Variants in RIN2 observed in about 807,000 individuals in gnomAD.
RIN2 encodes the protein RAB5 interacting protein 2.
Under a neutral mutation model 78.0 loss-of-function variants are expected in RIN2, and 36 were observed. The observed-to-expected ratio is 0.46, with a 90% CI of 0.35 to 0.61. RIN2 has a LOEUF of 0.61. Ranked by LOEUF, RIN2 falls within the 20% of genes least tolerant of loss-of-function variation. The probability of loss-of-function intolerance (pLI) is 0.00; values close to 1 mark genes in which losing one functional copy is unlikely to be tolerated. For synonymous variants in RIN2, 466 were observed against 466.8 expected (o/e 1.00, Z 0.02); for missense variants, 1,087 against 1,159.7 (o/e 0.94, Z 0.91).
chr20:19,825,399 G>A (rs1341232459), intron 2 of RIN2, among the ~76,000 whole-genome samples: 1 of 152,186 alleles, frequency 6.6e-6, no homozygotes, highest in Non-Finnish European at 1.5e-5. Context: ...GTCTTTCTTA[G>A]CTTGAGCCAG....
chr20:19,859,665 C>T (rs146001168), intron 2 of RIN2, among the ~76,000 whole-genome samples: 14 of 152,342 alleles, frequency 9.2e-5, no homozygotes, highest in South Asian at 2.1e-4. Flanking sequence ...TGACTATCTC[C>T]GCACATAACT....
intron 3 of RIN2, among the ~76,000 whole-genome samples, chr20:19,927,695 G>T (rs1284622805): frequency 1.3e-5 from 2 of 151,906 alleles, no homozygotes; most frequent in African/African-American, 4.8e-5. Context: ...GATTACAAGC[G>T]TGAGCCACCA....
In RIN2 at chr20:19,844,683, TTCCTCTTCC is replaced by T. The variant is rs1568807758; in HGVS notation, c.-36-44880_-36-44872del. Among the ~76,000 whole-genome samples, 97 of 22,106 alleles carry T rather than the reference TTCCTCTTCC, an allele frequency of 4.4e-3. 3 individuals carry two copies. Among genetic ancestry groups the T allele is most frequent in the East Asian group, 0.028 (9 of 316 alleles). The allele number at this position is 22,106 out of a possible 152,430, so 14.5% of individuals were successfully genotyped here. On this transcript the variant is annotated intron_variant, in intron 2 of 12. Coordinates refer to ENST00000255006, the MANE Select transcript of RIN2 (RefSeq NM_018993.4). ...TTCTTCTTCTTCCTTCTTCTTCTTC[TTCCTCTTCC>T]TCTTCCTCTTCTTCTTCTTCTTCTT...
At chr20:19,891,267 T>C (rs932753461) in intron 3 of RIN2, among the ~76,000 whole-genome samples, 1 of 152,176 alleles carries the variant, frequency 6.6e-6, no homozygotes, top group Admixed American at 6.5e-5. Context: ...AGTAAGGAGC[T>C]CCTCAAGTCC....
intron 1 of RIN2, among the ~76,000 whole-genome samples, chr20:19,782,291 G>A (rs139813295): frequency 4.3e-4 from 65 of 152,314 alleles, no homozygotes; most frequent in Non-Finnish European, 6.9e-4. Context: ...TTAGCCAGCC[G>A]TGGTGGCTCA....
intron 2 of RIN2, chr20:19,809,538 A>G (rs530325461): frequency 6.6e-6 from 1 of 152,374 alleles, no homozygotes; most frequent in Non-Finnish European, 1.5e-5. Context: ...CATCCTTCGA[A>G]TGTCCTGAGG....
At chr20:19,999,851 C>T (rs1251089771) in intron 12 of RIN2, among the ~76,000 whole-genome samples, 1 of 152,234 alleles carries the variant, frequency 6.6e-6, no homozygotes, top group Non-Finnish European at 1.5e-5. Context: ...GCAAAATCAA[C>T]ATTCTTCTCC....
intron 4 of RIN2, among the ~76,000 whole-genome samples, chr20:19,945,350 G>A (rs564122874): frequency 1.3e-5 from 2 of 152,236 alleles, no homozygotes; most frequent in African/African-American, 4.8e-5. Flanking sequence ...GAGGTGGGTG[G>A]CTTTGATTCC....
chr20:19,790,730 G>A (rs1288460720), intron 1 of RIN2, among the ~76,000 whole-genome samples: 1 of 152,070 alleles, frequency 6.6e-6, no homozygotes, highest in Non-Finnish European at 1.5e-5. Context: ...CCTTCTTCAT[G>A]TCTGTCACCT....
chr20:19,892,054 G>A (rs2038491433), intron 3 of RIN2, among the ~76,000 whole-genome samples: 1 of 152,154 alleles, frequency 6.6e-6, no homozygotes, highest in African/African-American at 2.4e-5. Context: ...AACCAATCAG[G>A]TGAGAGGTGA....
chr20:19,989,825 A>T (rs1453393857), intron 9 of RIN2, among the ~76,000 whole-genome samples, 181 bp from the exon 10 acceptor site: 1 of 152,230 alleles, frequency 6.6e-6, no homozygotes, highest in Non-Finnish European at 1.5e-5. Flanking sequence ...CTTTTCAGAG[A>T]AAAATGTTAA....
intron 1 of RIN2, among the ~76,000 whole-genome samples, chr20:19,766,901 G>C (rs969009620): frequency 1.7e-4 from 25 of 148,158 alleles, no homozygotes; most frequent in African/African-American, 6.3e-4. Flanking sequence ...AATAGCGTGA[G>C]ACTCCATCTC....
At chr20:19,835,223 C>T (rs1413384294) in intron 2 of RIN2, among the ~76,000 whole-genome samples, 1 of 152,060 alleles carries the variant, frequency 6.6e-6, no homozygotes, top group Non-Finnish European at 1.5e-5. Flanking sequence ...CTATCATTTT[C>T]TTCATGTCTG....
At chr20:19,806,410 A>AT (rs1465304972) in intron 2 of RIN2, among the ~76,000 whole-genome samples, 1 of 152,230 alleles carries the variant, frequency 6.6e-6, no homozygotes, top group Non-Finnish European at 1.5e-5. Flanking sequence ...AATGATCGCC[A>AT]TTCTAACTGG....
In RIN2 at chr20:19,772,577, C is replaced by CA. The variant is rs1568738361; in HGVS notation, c.-163+14251dup. The stretch of plus-strand genomic sequence containing the variant: ...ATCTTGGGTTTCATGTCACAAGAGA[C>CA]ACAAGCTTCCACTGACAAGCACTCC... On this transcript the variant is annotated intron_variant, in intron 1 of 12. Coordinates refer to ENST00000255006, the MANE Select transcript of RIN2 (RefSeq NM_018993.4). Among the ~76,000 whole-genome samples the CA allele has an allele frequency of 2.0e-5, 3 of 152,250 alleles. No individual in the cohort carries two copies. The East Asian group carries it at 5.8e-4, about 29-fold the overall frequency.
chr20:19,930,862 A>G lies in RIN2; in HGVS notation c.58-4237A>G, dbSNP rs746993355. Among the ~76,000 whole-genome samples, 5 of 152,348 alleles carry G rather than the reference A, an allele frequency of 3.3e-5. 1 individual carries two copies. The highest frequency in any genetic ancestry group is 6.8e-3 in the Middle Eastern group (2 of 294). On this transcript the variant is annotated intron_variant, in intron 3 of 12. Coordinates refer to ENST00000255006, the MANE Select transcript of RIN2 (RefSeq NM_018993.4). ...CTTGTTTTCCTAAAATTTTGTTTACAAAGTACTTTAAGCATACAGAAAACC... is the reference window on the plus strand; with the variant it reads ...CTTGTTTTCCTAAAATTTTGTTTACGAAGTACTTTAAGCATACAGAAAACC...
At position 19,975,584 on chromosome 20, in the gene RIN2, A is replaced by G. The variant is rs770856491; in HGVS notation, c.1559A>G (p.Glu520Gly). 3 of 1,613,950 alleles carry G rather than the reference A, an allele frequency of 1.9e-6. No individual in the cohort carries two copies. The South Asian group carries it at 3.3e-5, about 18-fold the overall frequency. The change falls in exon 9 of 13, where the codon GAG becomes GGG. Residue 520 changes from glutamate (E) to glycine (G), a missense_variant. Physicochemically the swap from Glu to Gly is moderately conservative, Grantham distance 98. This residue lies in a region of RIN2 where 34 missense variants were observed against 46.1 expected (regional missense o/e 0.74). Transcript: ENST00000255006. This position sits in a 1 kb window ranked among gnomAD's most constrained non-coding sequence, Gnocchi z 4.9. ...PEKRMVRRIA[E>G]LSRDKCTYFG... ...AAGCGGATGGTCCGCAGGATCGCCG[A>G]GCTTTCCCGGGACAAATGCACCTAC...
At position 19,905,151 on chromosome 20, in the gene RIN2, G is replaced by A. The variant is rs926034256; in HGVS notation, c.57+15493G>A. ...CCTGGCTGGGGTCTTTAGTATCATG[G>A]TTTTCTTCTCTGCCCCGATTCAGAA... On this transcript the variant is annotated intron_variant, in intron 3 of 12. Transcript: ENST00000255006. Among the ~76,000 whole-genome samples, 19 of 152,176 alleles carry A rather than the reference G, an allele frequency of 1.2e-4. No homozygotes were observed. The South Asian group carries it at 2.9e-3, about 23-fold the overall frequency.
chr20:19,852,159 A>C (rs1470337026), intron 2 of RIN2, among the ~76,000 whole-genome samples: 1 of 152,350 alleles, frequency 6.6e-6, no homozygotes, highest in East Asian at 1.9e-4. Flanking sequence ...GTGAAACCCC[A>C]CATCAAAGGG....
Sources: gnomAD v4.1 joint callset for allele counts (sites outside exome capture counted in the v4.1 genomes callset) on GRCh38, gnomAD v4.1.1 for gene constraint, gnomAD v4.1.1 regional missense constraint, Gnocchi (gnomAD v3.1) non-coding constraint, MANE v1.5 for transcripts, NCBI Gene and HGNC (gene_info 2026-07-23, HGNC 2026-07-21) for gene names.